Variants in MAGI2 observed in about 807,000 individuals in gnomAD.
The protein encoded by MAGI2 is membrane-associated guanylate kinase, WW and PDZ domain-containing protein 2.
In MAGI2, 35 loss-of-function variants were observed where a neutral mutation model predicts 133.3. That is an observed-to-expected ratio of 0.26 (90% CI 0.20 to 0.35). The LOEUF is 0.35. Ranked by LOEUF, MAGI2 falls within the 10% of genes least tolerant of loss-of-function variation. The pLI is 1.00. For synonymous variants in MAGI2, 729 were observed against 710.6 expected (o/e 1.03, Z -0.41); for missense variants, 1,636 against 1,863.4 (o/e 0.88, Z 2.25).
chr7:78,434,138 G>A (rs1462249986), intron 6 of MAGI2, among the ~76,000 whole-genome samples: 2 of 152,084 alleles, frequency 1.3e-5, no homozygotes, highest in East Asian at 1.9e-4. Context: ...TAAGTACTTA[G>A]CTCTTTAATG....
At chr7:78,446,769 T>G (rs1364918748) in intron 6 of MAGI2, among the ~76,000 whole-genome samples, 1 of 152,122 alleles carries the variant, frequency 6.6e-6, no homozygotes, top group Non-Finnish European at 1.5e-5. Flanking sequence ...TCCAAGGTTT[T>G]GCTCTTCAAA....
At chr7:78,365,200 G>T (rs1793251223) in intron 7 of MAGI2, among the ~76,000 whole-genome samples, 1 of 152,030 alleles carries the variant, frequency 6.6e-6, no homozygotes, top group Non-Finnish European at 1.5e-5. Context: ...GGAGCTGGTG[G>T]CTCAGAATGC....
rs1462868833 is a variant in MAGI2, at chr7:78,257,559, C to T, written c.1409-978G>A. Reference sequence around the variant, plus strand: ...AGAAATGCTCTGAATGCAAATTATCCATTATAAAATATATTCAGAGAAATA... The same window carrying T: ...AGAAATGCTCTGAATGCAAATTATCTATTATAAAATATATTCAGAGAAATA... On this transcript the variant is annotated intron_variant, in intron 9 of 21. Coordinates refer to ENST00000354212, the MANE Select transcript of MAGI2 (RefSeq NM_012301.4). Among the ~76,000 whole-genome samples, 4 of 152,070 alleles carry T rather than the reference C, an allele frequency of 2.6e-5. No individual in the cohort carries two copies. In the East Asian group the frequency reaches 7.7e-4, roughly 29 times the overall value.
At chr7:78,060,229 T>TG (rs1554428074) in intron 21 of MAGI2, among the ~76,000 whole-genome samples, 14 of 62,900 alleles carry the variant, frequency 2.2e-4, no homozygotes, top group Middle Eastern at 0.014. Context: ...GGAAATTATT[T>TG]AAAAAACAAA....
In MAGI2 at chr7:78,414,414, C is replaced by G. The variant is rs143446582; in HGVS notation, c.1046-45201G>C. On this transcript the variant is annotated intron_variant, in intron 6 of 21. Coordinates refer to ENST00000354212, the MANE Select transcript of MAGI2 (RefSeq NM_012301.4). ...AGAGAAAAGACTGGAAGGAAATGCACTAAATATAAGGGTAGTTGCTCTGAA... is the reference window on the plus strand; with the variant it reads ...AGAGAAAAGACTGGAAGGAAATGCAGTAAATATAAGGGTAGTTGCTCTGAA... Among the ~76,000 whole-genome samples, 837 of 152,016 alleles carry G rather than the reference C, an allele frequency of 5.5e-3. 6 individuals are homozygous for G. The highest frequency in any genetic ancestry group is 0.019 in the African/African-American group (797 of 41,500).
intron 2 of MAGI2, among the ~76,000 whole-genome samples, chr7:78,661,318 A>AAACC (rs1220182210): frequency 1.3e-5 from 2 of 152,112 alleles, no homozygotes; most frequent in African/African-American, 4.8e-5. Flanking sequence ...AGATACCTTT[A>AAACC]AACCATACTG....
chr7:78,270,716 C>T (rs1297718921), intron 9 of MAGI2, among the ~76,000 whole-genome samples: 1 of 152,062 alleles, frequency 6.6e-6, no homozygotes, highest in African/African-American at 2.4e-5. Flanking sequence ...CCACTGTCAA[C>T]ATTAGACAGA....
At chr7:78,366,390 T>C (rs1306823224) in intron 7 of MAGI2, among the ~76,000 whole-genome samples, 11 of 152,142 alleles carry the variant, frequency 7.2e-5, no homozygotes, top group African/African-American at 2.4e-4. Context: ...ACTAATCTTT[T>C]ATGGTAAGAA....
At chr7:78,984,454 A>C (rs1805062320) in intron 2 of MAGI2, among the ~76,000 whole-genome samples, 4 of 146,932 alleles carry the variant, frequency 2.7e-5, no homozygotes, top group African/African-American at 5.0e-5. Context: ...ATCTTCTACC[A>C]CTCCCCTTCC....
At chr7:78,699,712 T>C (rs1276132509) in intron 2 of MAGI2, among the ~76,000 whole-genome samples, 3 of 152,178 alleles carry the variant, frequency 2.0e-5, no homozygotes, top group Non-Finnish European at 4.4e-5. Context: ...CATATAACAT[T>C]AAGTCAGTAT....
At position 79,102,999 on chromosome 7, in the gene MAGI2, C is replaced by T. The variant is rs575900370; in HGVS notation, c.302-95793G>A. ...CCCTGTGGGCAGCAGTTTCAGTCCACGCCTGAGAGGCCCAGTCTGCCCTTC... is the reference window on the plus strand; with the variant it reads ...CCCTGTGGGCAGCAGTTTCAGTCCATGCCTGAGAGGCCCAGTCTGCCCTTC... On this transcript the variant is annotated intron_variant, in intron 1 of 21. Coordinates refer to ENST00000354212, the MANE Select transcript of MAGI2 (RefSeq NM_012301.4). Among the ~76,000 whole-genome samples the T allele has an allele frequency of 7.9e-5, 12 of 152,290 alleles. No individual in the cohort carries two copies. The East Asian group carries it at 1.7e-3, about 22-fold the overall frequency.
At chr7:78,462,365 G>A (rs1790153118) in intron 6 of MAGI2, among the ~76,000 whole-genome samples, 1 of 152,180 alleles carries the variant, frequency 6.6e-6, no homozygotes, top group Admixed American at 6.5e-5. Context: ...CATAAAAATA[G>A]AGACAATGAA....
At chr7:78,109,736 C>T (rs981414696) in intron 20 of MAGI2, among the ~76,000 whole-genome samples, 2 of 152,152 alleles carry the variant, frequency 1.3e-5, no homozygotes, top group Non-Finnish European at 2.9e-5. Flanking sequence ...TTAATTACAC[C>T]TGTGATTTAG....
intron 1 of MAGI2, among the ~76,000 whole-genome samples, chr7:79,396,106 C>G (rs1845034520): frequency 6.6e-6 from 1 of 152,144 alleles, no homozygotes; most frequent in Non-Finnish European, 1.5e-5. Flanking sequence ...TTGTAATAGA[C>G]TGCTAGCATT....
chr7:78,062,023 G>A (rs1813331581), intron 21 of MAGI2, among the ~76,000 whole-genome samples: 1 of 152,168 alleles, frequency 6.6e-6, no homozygotes, highest in South Asian at 2.1e-4. Flanking sequence ...TACATCAGCC[G>A]GGAAAGGAAC....
chr7:78,670,085 G>A (rs1249738110), intron 2 of MAGI2, among the ~76,000 whole-genome samples: 2 of 151,650 alleles, frequency 1.3e-5, no homozygotes, highest in East Asian at 3.9e-4. Context: ...AATTAGGCAG[G>A]AGAAGGAAAT....
At chr7:79,229,944 CT>C (rs1316158671) in intron 1 of MAGI2, among the ~76,000 whole-genome samples, 7 of 105,702 alleles carry the variant, frequency 6.6e-5, no homozygotes, top group African/African-American at 1.9e-4. Context: ...TCCCTCCCCC[CT>C]CCCCCCACCC....
rs1204028772 is a variant in MAGI2 at position 78,266,123 on chromosome 7, G to T, written c.1409-9542C>A. 2.6e-5 allele frequency among the ~76,000 whole-genome samples: 4 copies of T among 152,212 alleles called. No individual in the cohort carries two copies. In the East Asian group the frequency reaches 7.7e-4, roughly 29 times the overall value. Reference sequence around the variant, plus strand: ...TGCTACCTCCCGCCAAATGGTTGAAGGTTTTTGTAATTGTGTGTGTATGTG... The same window carrying T: ...TGCTACCTCCCGCCAAATGGTTGAATGTTTTTGTAATTGTGTGTGTATGTG... On this transcript the variant is annotated intron_variant, in intron 9 of 21. Transcript: ENST00000354212.
intron 6 of MAGI2, among the ~76,000 whole-genome samples, chr7:78,422,390 A>G (rs972606353): frequency 1.3e-5 from 2 of 152,232 alleles, no homozygotes; most frequent in African/African-American, 2.4e-5. Flanking sequence ...TAATTAAAAA[A>G]GGCAATAGAC....
Sources: allele counts gnomAD v4.1 joint callset (sites outside exome capture counted in the v4.1 genomes callset), GRCh38; gene constraint gnomAD v4.1.1; transcripts MANE v1.5; gene names NCBI Gene and HGNC (gene_info 2026-07-23, HGNC 2026-07-21).